The following TARDBP variants were observed in gnomAD, a reference collection of about 807,000 sequenced individuals.
TARDBP encodes the protein TAR DNA-binding protein 43.
A neutral mutation model predicts 38.3 loss-of-function variants in TARDBP; 4 were observed. That is an observed-to-expected ratio of 0.10 (90% confidence interval 0.05 to 0.24). The LOEUF (loss-of-function observed/expected upper bound fraction) is 0.24, where lower values mean the gene tolerates loss of function less well. Ranked by LOEUF, TARDBP falls within the 10% of genes least tolerant of loss-of-function variation. The pLI, the probability that TARDBP is intolerant of heterozygous loss-of-function variation, is 1.00. For synonymous variants in TARDBP, 184 were observed against 183.8 expected (o/e 1.00, Z -0.01); for missense variants, 202 against 521.9 (o/e 0.39, Z 5.97).
chr1:11,019,440 A>G (rs972237127), intron 4 of TARDBP, among the ~76,000 whole-genome samples: 1 of 152,144 alleles, frequency 6.6e-6, no homozygotes, highest in African/African-American at 2.4e-5. Flanking sequence ...ACTTACCATC[A>G]TGTTATAGTC....
chr1:11,021,642 C>G (rs1445057830), intron 5 of TARDBP, among the ~76,000 whole-genome samples: 1 of 152,118 alleles, frequency 6.6e-6, no homozygotes, highest in Non-Finnish European at 1.5e-5. Flanking sequence ...GCTGGTGGAA[C>G]ACAGTGGTGT....
chr1:11,026,038 T>TC (rs201698877), downstream of TARDBP: 1 of 82,786 alleles, frequency 1.2e-5, no homozygotes, highest in Non-Finnish European at 4.3e-5. Flanking sequence ...CACTTATTTC[T>TC]AATGCCACTT....
At chr1:11,019,029 AT>A in intron 4 of TARDBP, 156 bp downstream of exon 4, 1 of 881,116 alleles carries the variant, frequency 1.1e-6, no homozygotes, top group Non-Finnish European at 1.8e-6. Context: ...CATGCTGAAT[AT>A]TTTATGCTTG....
downstream of TARDBP, among the ~76,000 whole-genome samples, chr1:11,027,940 T>C (rs1386382191): frequency 2.0e-5 from 3 of 152,112 alleles, no homozygotes; most frequent in African/African-American, 7.2e-5. Flanking sequence ...ATTGGGAAAA[T>C]TGGCCGGGTG....
chr1:11,021,172 C>G (rs947626544), intron 5 of TARDBP, among the ~76,000 whole-genome samples: 1 of 149,702 alleles, frequency 6.7e-6, no homozygotes, highest in Non-Finnish European at 1.5e-5. Flanking sequence ...GAGTTTTGCT[C>G]TTGTTGCCCG....
chr1:11,026,453 C>G (rs1181384464), downstream of TARDBP: 1 of 153,744 alleles, frequency 6.5e-6, no homozygotes, highest in East Asian at 1.9e-4. Context: ...TCCAACCTAC[C>G]TACCCAAAAA....
rs748863467 is a variant in TARDBP, at chr1:11,023,274, A to G, written c.*620A>G. On this transcript the variant is annotated 3_prime_UTR_variant, in exon 6 of 6. Transcript: ENST00000240185. Reference sequence around the variant, plus strand: ...ATATTCTGCCATAGGAATACTGTCTACATGCTTTCTCATTCAAGAATTCGT... The same window carrying G: ...ATATTCTGCCATAGGAATACTGTCTGCATGCTTTCTCATTCAAGAATTCGT... 206 of 1,548,554 alleles carry G rather than the reference A, an allele frequency of 1.3e-4. No individual in the cohort carries two copies. The highest frequency in any genetic ancestry group is 1.2e-4 in the Non-Finnish European group (134 of 1,145,554).
chr1:11,017,310 T>G (rs1218507494), intron 3 of TARDBP, among the ~76,000 whole-genome samples: 1 of 152,024 alleles, frequency 6.6e-6, no homozygotes, highest in East Asian at 1.9e-4. Context: ...TTTAAGTGAT[T>G]TCTCCTGTCT....
In TARDBP at chr1:11,023,493, GGA is replaced by G. The variant is rs1643679387; in HGVS notation, c.*845_*846del. On this transcript the variant is annotated 3_prime_UTR_variant, in exon 6 of 6. Transcript: ENST00000240185. The stretch of plus-strand genomic sequence containing the variant: ...TGAAAGGCTAGTATGAGCGAGAAAA[GGA>G]GAGAGCGCGTGCAGAGACTTGGTGG... The G allele has an allele frequency of 1.8e-6, 1 of 551,364 alleles. No homozygotes were observed. The highest frequency in any genetic ancestry group is 2.6e-5 in the South Asian group (1 of 39,090). The allele number at this position is 551,364 out of a possible 1,614,324, so 34.2% of individuals were successfully genotyped here.
intron 2 of TARDBP, among the ~76,000 whole-genome samples, chr1:11,015,217 G>A (rs1424173705): frequency 6.6e-6 from 1 of 152,044 alleles, no homozygotes; most frequent in Non-Finnish European, 1.5e-5. Flanking sequence ...TCGGTGCAAT[G>A]GCTCACACCT....
At chr1:11,020,927 G>T (rs774180006) in intron 5 of TARDBP, among the ~76,000 whole-genome samples, 4 of 151,664 alleles carry the variant, frequency 2.6e-5, no homozygotes, top group Non-Finnish European at 5.9e-5. Context: ...AAAAAAATAT[G>T]TCCCAGGTAA....
chr1:11,020,750 C>CAAAA, intron 5 of TARDBP, 151 bp downstream of exon 5: 1 of 501,304 alleles, frequency 2.0e-6, no homozygotes, highest in Non-Finnish European at 3.4e-6. Context: ...TATTAAAATA[C>CAAAA]AAAAAAAAAA....
At chr1:11,019,609 C>T (rs571284415) in intron 4 of TARDBP, among the ~76,000 whole-genome samples, 95 of 152,172 alleles carry the variant, frequency 6.2e-4, no homozygotes, top group African/African-American at 2.0e-3. Context: ...CTCTGTCATC[C>T]GGGCTGGAGT....
intron 3 of TARDBP, 149 bp from the exon 4 acceptor site, chr1:11,018,581 CCTT>C: frequency 1.0e-6 from 1 of 969,404 alleles, no homozygotes; most frequent in Non-Finnish European, 1.6e-6. Flanking sequence ...ATATTAACCT[CCTT>C]GTTTTTACTG....
chr1:11,030,353 G>A, downstream of TARDBP: 1 of 754,846 alleles, frequency 1.3e-6, no homozygotes, highest in Non-Finnish European at 2.2e-6. Context: ...AGCATCAGTG[G>A]GACATAGAGG....
intron 2 of TARDBP, among the ~76,000 whole-genome samples, chr1:11,014,615 C>T (rs1243420671): frequency 6.6e-6 from 1 of 152,118 alleles, no homozygotes; most frequent in Non-Finnish European, 1.5e-5. Context: ...CAAATTTGGT[C>T]AGTATGCAAG....
At chr1:11,028,817 C>T (rs1286480154), downstream of TARDBP, among the ~76,000 whole-genome samples, 5 of 149,888 alleles carry the variant, frequency 3.3e-5, no homozygotes, top group Admixed American at 3.4e-4. Context: ...AGGTTCATGC[C>T]ATTCTCCTGC....
At chr1:11,020,401 GT>G in intron 4 of TARDBP, 27 bp from the exon 5 acceptor site, 2 of 1,613,700 alleles carry the variant, frequency 1.2e-6, no homozygotes, top group Non-Finnish European at 8.5e-7. Flanking sequence ...ATATTTCTGA[GT>G]TTTTTTCTTC....
chr1:11,028,003 C>T (rs1466001913), downstream of TARDBP, among the ~76,000 whole-genome samples: 2 of 152,116 alleles, frequency 1.3e-5, no homozygotes. Flanking sequence ...GGGTGGATCA[C>T]CTGAGGTCAG....
Sources: allele counts gnomAD v4.1 joint callset (sites outside exome capture counted in the v4.1 genomes callset), GRCh38; gene constraint gnomAD v4.1.1; transcripts MANE v1.5; gene names NCBI Gene and HGNC (gene_info 2026-07-23, HGNC 2026-07-21).